URI1: variants seen among roughly 807,000 people sequenced by gnomAD.
URI1 encodes the protein unconventional prefoldin RPB5 interactor 1.
Under a neutral mutation model 60.2 loss-of-function variants are expected in URI1, and 39 were observed. The ratio of observed to expected loss-of-function variants is 0.65; its 90% CI spans 0.50 to 0.85. The LOEUF is 0.85. Ranked by LOEUF, URI1 falls within the 40% of genes least tolerant of loss-of-function variation. The pLI, the probability that URI1 is intolerant of heterozygous loss-of-function variation, is 0.00. For synonymous variants in URI1, 251 were observed against 236.8 expected (o/e 1.06, Z -0.55); for missense variants, 691 against 665.9 (o/e 1.04, Z -0.42).
chr19:30,008,957 A>G, intron 7 of URI1, 48 bp from the exon 8 acceptor site: 2 of 1,390,026 alleles, frequency 1.4e-6, no homozygotes, highest in South Asian at 3.1e-5. Context: ...TAAATAATGT[A>G]AAATTCTAGT....
chr19:30,014,973 T>C lies in URI1; in HGVS notation c.1512T>C (p.Thr504=). The change falls in exon 11 of 11, where the codon ACT becomes ACC. Residue 504 remains threonine, a synonymous_variant. Coordinates refer to ENST00000392271, the MANE Select transcript of URI1 (RefSeq NM_003796.3). ...CCATTGCTCATCCCGCACTACCCAC[T>C]ATTCCAGAACGAAAGGAAGTTCTGT... ...PPAIAHPALP[T]IPERKEVLLE... 1.2e-6 allele frequency: 2 copies of C among 1,613,856 alleles called. No individual in the cohort carries two copies. Among genetic ancestry groups the C allele is most frequent in the Admixed American group, 3.3e-5 (2 of 60,002 alleles).
intron 1 of URI1, among the ~76,000 whole-genome samples, chr19:29,930,871 T>C (rs1404344635): frequency 2.0e-5 from 3 of 151,670 alleles, no homozygotes; most frequent in Non-Finnish European, 2.9e-5. Flanking sequence ...CTTTTTTTTT[T>C]TTTTTTCTGT....
chr19:29,933,378 T>C (rs113331514), intron 1 of URI1, among the ~76,000 whole-genome samples: 374 of 152,366 alleles, frequency 2.5e-3, no homozygotes, highest in African/African-American at 8.6e-3. Flanking sequence ...GTACATTTCA[T>C]CTAAGGTTTT....
At chr19:30,001,892 G>T (rs1379982236) in intron 4 of URI1, among the ~76,000 whole-genome samples, 1 of 151,992 alleles carries the variant, frequency 6.6e-6, no homozygotes, top group Non-Finnish European at 1.5e-5. Flanking sequence ...CAAATACTAA[G>T]TACATGTATT....
intron 1 of URI1, among the ~76,000 whole-genome samples, chr19:29,965,910 A>C (rs1435539891): frequency 6.6e-6 from 1 of 152,228 alleles, no homozygotes; most frequent in Non-Finnish European, 1.5e-5. Flanking sequence ...ATACAGGAAA[A>C]AATGCTTAGA....
At chr19:29,936,120 C>T (rs1323182862) in intron 1 of URI1, among the ~76,000 whole-genome samples, 2 of 149,924 alleles carry the variant, frequency 1.3e-5, no homozygotes, top group Non-Finnish European at 1.5e-5. Context: ...TGGAGTTTTG[C>T]TTTTTTAGAG....
chr19:29,971,441 C>A (rs1599687539), intron 2 of URI1, among the ~76,000 whole-genome samples: 1 of 151,890 alleles, frequency 6.6e-6, no homozygotes, highest in East Asian at 1.9e-4. Context: ...CGTTGTGTTA[C>A]CACTTGTATT....
rs71333427 is a variant in URI1 at position 29,980,612 on chromosome 19, T to TAAAAA, written c.153-4588_153-4584dup. Among the ~76,000 whole-genome samples the TAAAAA allele has an allele frequency of 2.6e-4, 19 of 73,850 alleles. 4 individuals are homozygous for TAAAAA. The highest frequency in any genetic ancestry group is 3.8e-4 in the Non-Finnish European group (17 of 44,528). 48.4% of individuals were successfully genotyped at this position (73,850 alleles called of 152,430 possible). A position where few individuals can be genotyped will look rare whatever the true frequency, so the allele number is the denominator to read the frequency against. On this transcript the variant is annotated intron_variant, in intron 2 of 10. Coordinates refer to ENST00000392271, the MANE Select transcript of URI1 (RefSeq NM_003796.3). ...GAGAGTGATAGAAGATTTTTTTTCT[T>TAAAAA]AAAAAAAAAAAAAAAAAAAAAAAAA...
In URI1 at chr19:30,015,452, T is replaced by G; in HGVS notation, c.*383T>G. 6.6e-7 allele frequency: 1 copy of G among 1,511,592 alleles called. No individual in the cohort carries two copies. The highest frequency in any genetic ancestry group is 8.8e-7 in the Non-Finnish European group (1 of 1,138,800). The allele number at this position is 1,511,592 out of a possible 1,614,324, so 93.6% of individuals were successfully genotyped here. A position where few individuals can be genotyped will look rare whatever the true frequency, so the allele number is the denominator to read the frequency against. On this transcript the variant is annotated 3_prime_UTR_variant, in exon 11 of 11. Coordinates refer to ENST00000392271, the MANE Select transcript of URI1 (RefSeq NM_003796.3). ...CCATATGGACCATTTTAAAGAAAATTTTAAAATTTCAAATAGATTCAACAA... is the reference window on the plus strand; with the variant it reads ...CCATATGGACCATTTTAAAGAAAATGTTAAAATTTCAAATAGATTCAACAA...
Position 29,930,371 on chromosome 19 carries a change from A to G in URI1, c.63+6617A>G, listed in dbSNP as rs181612412. Reference sequence around the variant, plus strand: ...CAAATCTAAGATCATGATTGCCCCTATGGTTTCTTCTGTGTTTGACTTTAG... The same window carrying G: ...CAAATCTAAGATCATGATTGCCCCTGTGGTTTCTTCTGTGTTTGACTTTAG... On this transcript the variant is annotated intron_variant, in intron 1 of 10. Transcript: ENST00000360605. 4.2e-4 allele frequency among the ~76,000 whole-genome samples: 64 copies of G among 152,062 alleles called. 1 individual carries two copies. In the East Asian group the frequency reaches 0.012, roughly 27 times the overall value.
chr19:29,945,202 A>G (rs1480311577), intron 1 of URI1, among the ~76,000 whole-genome samples: 1 of 152,210 alleles, frequency 6.6e-6, no homozygotes, highest in Non-Finnish European at 1.5e-5. Context: ...GTAGATGCAG[A>G]GAGAGAAATG....
In URI1 at chr19:29,931,214, G is replaced by A. The variant is rs1466081312; in HGVS notation, c.63+7460G>A. Among the ~76,000 whole-genome samples the A allele has an allele frequency of 3.3e-5, 5 of 152,156 alleles. 1 individual carries two copies. The highest frequency in any genetic ancestry group is 9.7e-5 in the African/African-American group (4 of 41,444). On this transcript the variant is annotated intron_variant, in intron 1 of 10. Coordinates refer to the URI1 transcript ENST00000360605. Reference sequence around the variant, plus strand: ...TGCACTGAATCTGTGGATGGCTTTGGAGAACATTGTTGTATTAGTCTGCTT... The same window carrying A: ...TGCACTGAATCTGTGGATGGCTTTGAAGAACATTGTTGTATTAGTCTGCTT...
chr19:29,970,128 A>ATTTTTTTTTTTTTTTTTTTT (rs199739403), intron 1 of URI1, among the ~76,000 whole-genome samples: 1 of 74,564 alleles, frequency 1.3e-5, no homozygotes, highest in African/African-American at 4.8e-5. Flanking sequence ...AATCGTGTGT[A>ATTTTTTTTTTTTTTTTTTTT]TTTTTTTTTT....
chr19:29,957,822 A>T (rs1446653733), intron 1 of URI1, among the ~76,000 whole-genome samples: 1 of 152,086 alleles, frequency 6.6e-6, no homozygotes, highest in Non-Finnish European at 1.5e-5. Context: ...AAAAGTATAT[A>T]AATCTTCATG....
intron 1 of URI1, among the ~76,000 whole-genome samples, chr19:29,934,197 A>G (rs1427378507): frequency 6.6e-6 from 1 of 151,936 alleles, no homozygotes; most frequent in Non-Finnish European, 1.5e-5. Flanking sequence ...TGGCCTCACA[A>G]ATTGCTAGGA....
At chr19:29,984,923 C>T (rs182702160) in intron 2 of URI1, among the ~76,000 whole-genome samples, 39 of 151,756 alleles carry the variant, frequency 2.6e-4, no homozygotes, top group African/African-American at 9.2e-4. Context: ...AGTTCAAGAC[C>T]AGCCTGACCA....
intron 4 of URI1, among the ~76,000 whole-genome samples, chr19:29,996,476 G>GTT (rs1238305650): frequency 6.9e-6 from 1 of 144,206 alleles, no homozygotes; most frequent in Non-Finnish European, 1.5e-5. Context: ...TTACAAGGGT[G>GTT]TTTTGTGTGT....
At chr19:29,932,685 C>T (rs2054932663) in intron 1 of URI1, among the ~76,000 whole-genome samples, 1 of 135,442 alleles carries the variant, frequency 7.4e-6, no homozygotes, top group Admixed American at 7.9e-5. Context: ...GAGTTTCCCT[C>T]TTGTTGCCCG....
chr19:29,948,740 C>G (rs1173698087), intron 1 of URI1, among the ~76,000 whole-genome samples: 26 of 152,220 alleles, frequency 1.7e-4, no homozygotes, highest in Admixed American at 1.7e-3. Context: ...ATGTCTACTT[C>G]TTTCCACACA....
Sources: allele counts gnomAD v4.1 joint callset (sites outside exome capture counted in the v4.1 genomes callset), GRCh38; gene constraint gnomAD v4.1.1; transcripts MANE v1.5; gene names NCBI Gene and HGNC (gene_info 2026-07-23, HGNC 2026-07-21).